Variants in BAHCC1 observed in about 807,000 individuals in gnomAD.
BAHCC1 encodes BAH and coiled-coil domain-containing protein 1.
A neutral mutation model predicts 88.2 loss-of-function variants in BAHCC1; 43 were observed. The ratio of observed to expected loss-of-function variants is 0.49; its 90% CI spans 0.38 to 0.63. The LOEUF (loss-of-function observed/expected upper bound fraction) is 0.63. Ranked by LOEUF, BAHCC1 falls within the 20% of genes least tolerant of loss-of-function variation. The probability of loss-of-function intolerance (pLI) is 0.00; values close to 1 mark genes in which losing one functional copy is unlikely to be tolerated. For missense variants in BAHCC1, 3,023 were observed against 1,654.8 expected, an observed-to-expected ratio of 1.83 and a Z score of -14.34; for synonymous variants, 1,510 against 745.5, an observed-to-expected ratio of 2.03 and a Z score of -16.71.
Position 81,459,483 on chromosome 17 carries a change from C to G in BAHCC1, c.5797-13C>G, listed in dbSNP as rs781953014. On this transcript the variant is annotated splice_polypyrimidine_tract_variant and intron_variant, in intron 22 of 27. Transcript: ENST00000675386. The stretch of plus-strand genomic sequence containing the variant: ...CCCCACCTGCTCATGGGTCGTCGCC[C>G]GCGTTCCTGCAGGTTCTCGATGTGC... The G allele has an allele frequency of 2.6e-6, 2 of 778,812 alleles. No homozygotes were observed. Among genetic ancestry groups the G allele is most frequent in the Non-Finnish European group, 4.8e-6 (2 of 417,620 alleles). 48.2% of individuals were successfully genotyped at this position (778,812 alleles called of 1,614,324 possible). A position where few individuals can be genotyped will look rare whatever the true frequency, so the allele number is the denominator to read the frequency against.
chr17:81,398,801 T>G (rs1175394537), intron 1 of BAHCC1, among the ~76,000 whole-genome samples: 2 of 151,286 alleles, frequency 1.3e-5, no homozygotes, highest in Non-Finnish European at 2.9e-5. Flanking sequence ...GGAGCCGGCC[T>G]GGGGTCCTAG....
At chr17:81,422,126 C>G (rs2064123651) in intron 2 of BAHCC1, among the ~76,000 whole-genome samples, 1 of 152,206 alleles carries the variant, frequency 6.6e-6, no homozygotes, top group Non-Finnish European at 1.5e-5. Flanking sequence ...ATTCTCCCGC[C>G]TCAGCCTCCC....
intron 2 of BAHCC1, among the ~76,000 whole-genome samples, chr17:81,405,172 A>G (rs542231911): frequency 2.0e-5 from 3 of 152,122 alleles, no homozygotes; most frequent in Non-Finnish European, 4.4e-5. Flanking sequence ...GGTTCAAGCC[A>G]TTGTCGTGCC....
Position 81,447,225 on chromosome 17 carries a change from G to A in BAHCC1, c.3353G>A (p.Gly1118Glu), listed in dbSNP as rs782153531. 1.9e-5 allele frequency: 14 copies of A among 738,234 alleles called. No homozygotes were observed. The highest frequency in any genetic ancestry group is 1.2e-4 in the African/African-American group (7 of 57,652). The allele number at this position is 738,234 out of a possible 1,614,324, so 45.7% of individuals were successfully genotyped here. ...PCSPRSLEEP[G>E]LLSGAREATQ... ...AGCCCCAGGAGCCTGGAGGAGCCCG[G>A]GCTGCTCTCAGGGGCCAGGGAGGCC... The change falls in exon 11 of 28, where the codon GGG (glycine) becomes GAG (glutamate). Residue 1118 changes from glycine to glutamate, a missense_variant. By Grantham distance (98) the Gly-to-Glu change is moderately conservative. Transcript: ENST00000675386.
In BAHCC1 at chr17:81,450,841, G is replaced by A. The variant is rs560604706; in HGVS notation, c.3977-827G>A. ...GGAGGGTACTGGAGCCCAGGAGTTC[G>A]AGGTTGCAGTGAGCCGTGATGGAGC... On this transcript the variant is annotated intron_variant, in intron 11 of 27. Coordinates refer to ENST00000675386, the MANE Select transcript of BAHCC1 (RefSeq NM_001377448.1). Among the ~76,000 whole-genome samples the A allele has an allele frequency of 1.6e-3, 245 of 152,294 alleles. 2 individuals carry two copies. The highest frequency in any genetic ancestry group is 9.7e-4 in the Non-Finnish European group (66 of 68,010).
chr17:81,419,740 T>G, intron 2 of BAHCC1, among the ~76,000 whole-genome samples: 1 of 143,198 alleles, frequency 7.0e-6, no homozygotes. Context: ...GCCGGGAGCC[T>G]GGGAAGGGCC....
In BAHCC1 at chr17:81,452,103, C is replaced by A. The variant is rs782100636; in HGVS notation, c.4312C>A (p.His1438Asn). 1.6e-6 allele frequency: 1 copy of A among 630,742 alleles called. No homozygotes were observed. Among genetic ancestry groups the A allele is most frequent in the Non-Finnish European group, 2.8e-6 (1 of 357,156 alleles). The allele number at this position is 630,742 out of a possible 1,614,324, so 39.1% of individuals were successfully genotyped here. The change falls in exon 13 of 28, where the codon CAT becomes AAT. Residue 1438 changes from histidine (H) to asparagine (N), a missense_variant. Transcript: ENST00000675386. Reference protein sequence around the residue: ...ELARLQRKHDHERDESSRSPA... With the variant: ...ELARLQRKHDNERDESSRSPA... ...GGCCCGCCTGCAGCGCAAGCACGAC[C>A]ATGAGTACGCCTGGCGTGGCGGGGG...
intron 2 of BAHCC1, among the ~76,000 whole-genome samples, chr17:81,409,054 A>G (rs781937941): frequency 3.9e-5 from 6 of 152,230 alleles, no homozygotes; most frequent in Non-Finnish European, 5.9e-5. Context: ...ACTCTGGGAA[A>G]ACTAAGTTAG....
At chr17:81,421,375 C>T (rs574452157) in intron 2 of BAHCC1, among the ~76,000 whole-genome samples, 34 of 152,342 alleles carry the variant, frequency 2.2e-4, no homozygotes, top group African/African-American at 7.7e-4. Context: ...GGTCTGCCCA[C>T]GGCTCTGCTG....
intron 2 of BAHCC1, chr17:81,413,025 C>A: frequency 3.0e-6 from 1 of 334,622 alleles, no homozygotes; most frequent in Non-Finnish European, 6.3e-6. Context: ...ACTTCCTCCA[C>A]ATCCTCTTTC....
Position 81,462,930 on chromosome 17 carries a change from A to G in BAHCC1, c.7574A>G (p.Tyr2525Cys). The G allele has an allele frequency of 1.3e-6, 1 of 783,418 alleles. No homozygotes were observed. The highest frequency in any genetic ancestry group is 2.4e-5 in the East Asian group (1 of 41,248). 48.5% of individuals were successfully genotyped at this position (783,418 alleles called of 1,614,324 possible). A position where few individuals can be genotyped will look rare whatever the true frequency, so the allele number is the denominator to read the frequency against. The change falls in exon 27 of 28, where the codon TAC (tyrosine) becomes TGC (cysteine). Residue 2525 changes from tyrosine (Y) to cysteine (C), a missense_variant. Physicochemically the swap from Tyr to Cys is radical, Grantham distance 194. Transcript: ENST00000675386. ...SNMVVKVKWF[Y>C]HPEETKLGKR... Reference sequence around the variant, plus strand: ...ATGGTGGTCAAGGTCAAGTGGTTCTACCACCCTGAGGAGACCAAGCTGGGC... The same window carrying G: ...ATGGTGGTCAAGGTCAAGTGGTTCTGCCACCCTGAGGAGACCAAGCTGGGC...
chr17:81,435,333 A>C lies in BAHCC1; in HGVS notation c.359-3037A>C, dbSNP rs373945120. On this transcript the variant is annotated intron_variant, in intron 3 of 27. Coordinates refer to ENST00000675386, the MANE Select transcript of BAHCC1 (RefSeq NM_001377448.1). This position sits in a 1 kb window ranked among gnomAD's most constrained non-coding sequence, Gnocchi z 4.4. Reference sequence around the variant, plus strand: ...TCTGTCTCCTGCAGTCTGTCCCATCACAGGACTGAGTTTGGAGTCTCCTGC... The same window carrying C: ...TCTGTCTCCTGCAGTCTGTCCCATCCCAGGACTGAGTTTGGAGTCTCCTGC... 3.3e-5 allele frequency: 14 copies of C among 424,034 alleles called. No individual in the cohort carries two copies. The highest frequency in any genetic ancestry group is 2.2e-4 in the African/African-American group (11 of 49,012). 26.3% of individuals were successfully genotyped at this position (424,034 alleles called of 1,614,324 possible). A position where few individuals can be genotyped will look rare whatever the true frequency, so the allele number is the denominator to read the frequency against.
chr17:81,430,943 C>T (rs2064253231), intron 3 of BAHCC1, among the ~76,000 whole-genome samples: 3 of 151,212 alleles, frequency 2.0e-5, no homozygotes, highest in Admixed American at 6.6e-5. Context: ...CCAGTGGGGA[C>T]AAGCTGGCTC....
At chr17:81,416,397 CGT>C (rs371639823) in intron 2 of BAHCC1, among the ~76,000 whole-genome samples, 41 of 106,996 alleles carry the variant, frequency 3.8e-4, no homozygotes, top group Admixed American at 1.8e-3. Flanking sequence ...GGTGTATGCG[CGT>C]GTGTACGTGT....
chr17:81,409,680 C>G (rs1438760589), intron 2 of BAHCC1, among the ~76,000 whole-genome samples: 1 of 152,196 alleles, frequency 6.6e-6, no homozygotes, highest in Non-Finnish European at 1.5e-5. Context: ...GCCTGCTCCC[C>G]TTGCCACTGA....
intron 3 of BAHCC1, among the ~76,000 whole-genome samples, chr17:81,427,864 G>A (rs952195988): frequency 0.028 from 4,211 of 152,194 alleles, 65 homozygotes; most frequent in African/African-American, 0.038. Flanking sequence ...AGAGCGCCGC[G>A]GACCCACACA....
At chr17:81,430,610 G>T (rs1262327587) in intron 3 of BAHCC1, among the ~76,000 whole-genome samples, 1 of 152,204 alleles carries the variant, frequency 6.6e-6, no homozygotes, top group Admixed American at 6.5e-5. Context: ...CTGGGAGTGA[G>T]CAGGAGCTGG....
At chr17:81,424,029 G>A (rs890153611) in intron 2 of BAHCC1, among the ~76,000 whole-genome samples, 3 of 152,218 alleles carry the variant, frequency 2.0e-5, no homozygotes, top group Non-Finnish European at 4.4e-5. Context: ...CAGCCCAGTC[G>A]GGGCCCAGCC....
At chr17:81,437,157 G>A (rs1409739369) in intron 3 of BAHCC1, among the ~76,000 whole-genome samples, 7 of 151,926 alleles carry the variant, frequency 4.6e-5, no homozygotes, top group Admixed American at 3.9e-4. Context: ...AGGGCCCCCC[G>A]CCCTGCCCCG....
Sources: gnomAD v4.1 joint callset for allele counts (sites outside exome capture counted in the v4.1 genomes callset) on GRCh38, gnomAD v4.1.1 for gene constraint, Gnocchi (gnomAD v3.1) non-coding constraint, MANE v1.5 for transcripts, NCBI Gene and HGNC (gene_info 2026-07-23, HGNC 2026-07-21) for gene names.